The following CNTNAP4 variants were observed in gnomAD, a reference collection of about 807,000 sequenced individuals.
The protein encoded by CNTNAP4 is contactin-associated protein-like 4.
In CNTNAP4, 98 loss-of-function variants were observed where a neutral mutation model predicts 148.4. The ratio of observed to expected loss-of-function variants is 0.66; its 90% CI spans 0.56 to 0.78. The LOEUF (loss-of-function observed/expected upper bound fraction) is 0.78, where lower values mean the gene tolerates loss of function less well. Among genes scored for constraint, CNTNAP4 ranks in the 30% least tolerant of loss-of-function variants. The pLI is 0.00. For synonymous variants in CNTNAP4, 730 were observed against 565.1 expected (o/e 1.29, Z -4.14); for missense variants, 1,935 against 1,565.6 (o/e 1.24, Z -3.98).
intron 12 of CNTNAP4, among the ~76,000 whole-genome samples, chr16:76,481,608 A>G (rs1384472689): frequency 6.6e-6 from 1 of 152,140 alleles, no homozygotes; most frequent in Non-Finnish European, 1.5e-5. Flanking sequence ...GTATCATTGT[A>G]GATGTAGAAC....
At chr16:76,422,039 C>T (rs2079208534) in intron 3 of CNTNAP4, among the ~76,000 whole-genome samples, 1 of 152,112 alleles carries the variant, frequency 6.6e-6, no homozygotes, top group African/African-American at 2.4e-5. Flanking sequence ...GAAATTAGTG[C>T]TATTATGCCT....
In CNTNAP4 at chr16:76,558,715, T is replaced by C. The variant is rs2085298266; in HGVS notation, c.*32T>C. On this transcript the variant is annotated 3_prime_UTR_variant, in exon 24 of 24. Coordinates refer to ENST00000611870, the MANE Select transcript of CNTNAP4 (RefSeq NM_033401.5). ...GCTATGATTTAACATAAAATTATGATAGTTTGTTTTAATAGCCAGGGGTTC... is the reference window on the plus strand; with the variant it reads ...GCTATGATTTAACATAAAATTATGACAGTTTGTTTTAATAGCCAGGGGTTC... 1.3e-6 allele frequency: 2 copies of C among 1,523,060 alleles called. No homozygotes were observed. The highest frequency in any genetic ancestry group is 2.8e-5 in the African/African-American group (2 of 72,512). The allele number at this position is 1,523,060 out of a possible 1,614,324, so 94.3% of individuals were successfully genotyped here. A position where few individuals can be genotyped will look rare whatever the true frequency, so the allele number is the denominator to read the frequency against.
At chr16:76,294,676 A>C (rs931158799) in intron 1 of CNTNAP4, among the ~76,000 whole-genome samples, 11 of 152,184 alleles carry the variant, frequency 7.2e-5, no homozygotes, top group African/African-American at 2.7e-4. Flanking sequence ...TCAGTCTATT[A>C]AAGTGTTCCA....
intron 2 of CNTNAP4, among the ~76,000 whole-genome samples, chr16:76,323,700 C>T (rs1272814119): frequency 1.3e-5 from 2 of 152,136 alleles, no homozygotes; most frequent in Non-Finnish European, 2.9e-5. Flanking sequence ...ACATGCTGCA[C>T]CTTCTCTGAT....
chr16:76,380,512 T>C (rs973673202), intron 3 of CNTNAP4, among the ~76,000 whole-genome samples: 1 of 152,234 alleles, frequency 6.6e-6, no homozygotes. Context: ...CTATTTTTTT[T>C]CTGCATTTTT....
chr16:76,370,226 A>G (rs377061948), intron 3 of CNTNAP4, among the ~76,000 whole-genome samples: 1 of 148,178 alleles, frequency 6.7e-6, no homozygotes, highest in Non-Finnish European at 1.5e-5. Context: ...GTTTAAATCC[A>G]TATATATAGC....
At chr16:76,456,072 CA>C (rs1375842234) in intron 8 of CNTNAP4, among the ~76,000 whole-genome samples, 5 of 151,614 alleles carry the variant, frequency 3.3e-5, no homozygotes, top group Non-Finnish European at 7.4e-5. Flanking sequence ...CGTGTAATTG[CA>C]AACACTTCCA....
At chr16:76,515,578 A>C (rs2083214355) in intron 15 of CNTNAP4, among the ~76,000 whole-genome samples, 1 of 152,204 alleles carries the variant, frequency 6.6e-6, no homozygotes, top group Admixed American at 6.5e-5. Context: ...GCACTGTGAG[A>C]AATAAATGTG....
chr16:76,457,378 G>A (rs2080775532), intron 8 of CNTNAP4, among the ~76,000 whole-genome samples: 1 of 152,220 alleles, frequency 6.6e-6, no homozygotes, highest in South Asian at 2.1e-4. Context: ...AAGGAGGCTT[G>A]GGAAAAGCTT....
At chr16:76,374,809 C>T (rs1241729349) in intron 3 of CNTNAP4, among the ~76,000 whole-genome samples, 1 of 150,536 alleles carries the variant, frequency 6.6e-6, no homozygotes, top group Non-Finnish European at 1.5e-5. Context: ...GCTCTTGTCC[C>T]CCAGGCTTGA....
intron 1 of CNTNAP4, among the ~76,000 whole-genome samples, chr16:76,281,958 T>C (rs1958703862): frequency 6.6e-6 from 1 of 151,988 alleles, no homozygotes; most frequent in Non-Finnish European, 1.5e-5. Context: ...TTTATTAAGA[T>C]TGTTTACCCT....
chr16:76,365,193 G>C (rs1251753358), intron 3 of CNTNAP4, among the ~76,000 whole-genome samples: 1 of 152,090 alleles, frequency 6.6e-6, no homozygotes, highest in Non-Finnish European at 1.5e-5. Context: ...GTAGATGTGT[G>C]GCGTTATTTC....
chr16:76,434,734 G>C (rs906576173), intron 4 of CNTNAP4, among the ~76,000 whole-genome samples: 2 of 152,156 alleles, frequency 1.3e-5, no homozygotes, highest in African/African-American at 4.8e-5. Context: ...CACCATAATA[G>C]CCCTCAACCT....
chr16:76,291,966 CT>C (rs1379940861), intron 1 of CNTNAP4, among the ~76,000 whole-genome samples: 7 of 152,150 alleles, frequency 4.6e-5, no homozygotes. Context: ...TTGGATTTAT[CT>C]TTTCAAAGGT....
intron 3 of CNTNAP4, among the ~76,000 whole-genome samples, chr16:76,365,108 C>G (rs969198404): frequency 6.6e-6 from 1 of 152,150 alleles, no homozygotes; most frequent in African/African-American, 2.4e-5. Flanking sequence ...GCCAGTTTTC[C>G]CAACACCATT....
At chr16:76,359,431 A>T (rs976437986) in intron 3 of CNTNAP4, among the ~76,000 whole-genome samples, 1 of 151,038 alleles carries the variant, frequency 6.6e-6, no homozygotes, top group Non-Finnish European at 1.5e-5. Context: ...AAAATTCTTC[A>T]TTCTCTCCTC....
At position 76,344,199 on chromosome 16, in the gene CNTNAP4, C is replaced by CATATAT. The variant is rs58551609; in HGVS notation, c.197-11108_197-11103dup. Among the ~76,000 whole-genome samples, 252 of 149,748 alleles carry CATATAT rather than the reference C, an allele frequency of 1.7e-3. 1 individual carries two copies. The highest frequency in any genetic ancestry group is 6.0e-3 in the African/African-American group (246 of 40,966). ...AACAGTGAAAATACATACATACACA[C>CATATAT]ATATATATATATATATTTGCTTATG... On this transcript the variant is annotated intron_variant, in intron 2 of 23. Coordinates refer to ENST00000611870, the MANE Select transcript of CNTNAP4 (RefSeq NM_033401.5).
At chr16:76,443,472 C>T (rs984799997) in intron 4 of CNTNAP4, among the ~76,000 whole-genome samples, 20 of 152,100 alleles carry the variant, frequency 1.3e-4, no homozygotes, top group African/African-American at 3.1e-4. Context: ...GTAGTCTCAA[C>T]TACTTGGAAG....
intron 4 of CNTNAP4, among the ~76,000 whole-genome samples, chr16:76,431,691 G>A (rs1448017351): frequency 6.6e-6 from 1 of 152,106 alleles, no homozygotes; most frequent in Non-Finnish European, 1.5e-5. Context: ...AAGTAAAGGG[G>A]GAGGTAAGCA....
Sources: gnomAD v4.1 joint callset for allele counts (sites outside exome capture counted in the v4.1 genomes callset) on GRCh38, gnomAD v4.1.1 for gene constraint, MANE v1.5 for transcripts, NCBI Gene and HGNC (gene_info 2026-07-23, HGNC 2026-07-21) for gene names.